RAD17: variants seen among roughly 807,000 people sequenced by gnomAD.
RAD17 encodes the protein RAD17 checkpoint clamp loader component, also known as cell cycle checkpoint protein RAD17.
In RAD17, 31 loss-of-function variants were observed where a neutral mutation model predicts 81.5. The observed-to-expected ratio is 0.38, with a 90% CI of 0.29 to 0.51. The LOEUF is 0.51. Among genes scored for constraint, RAD17 ranks in the 20% least tolerant of loss-of-function variants. The pLI is 0.88. For missense variants in RAD17, 681 were observed against 781.2 expected (o/e 0.87, Z 1.53); for synonymous variants, 261 against 266.2 (o/e 0.98, Z 0.19).
chr5:69,389,328 C>T (rs930117023), intron 12 of RAD17, among the ~76,000 whole-genome samples, 183 bp downstream of exon 12: 9 of 152,138 alleles, frequency 5.9e-5, no homozygotes, highest in East Asian at 1.9e-4. Context: ...ATGAATATGT[C>T]GTAGTATATA....
chr5:69,371,629 A>G (rs1763010129), intron 3 of RAD17, 72 bp downstream of exon 3: 1 of 785,354 alleles, frequency 1.3e-6, no homozygotes. Flanking sequence ...TATTCTTAAT[A>G]ACTTATTACT....
At chr5:69,392,191 G>A (rs767556384) in intron 13 of RAD17, among the ~76,000 whole-genome samples, 178 bp downstream of exon 13, 3 of 152,170 alleles carry the variant, frequency 2.0e-5, no homozygotes, top group African/African-American at 4.8e-5. Flanking sequence ...TTTTCTGACC[G>A]TAAGCAGGAT....
chr5:69,397,537 G>A (rs1764973168), intron 16 of RAD17, among the ~76,000 whole-genome samples: 1 of 152,104 alleles, frequency 6.6e-6, no homozygotes, highest in Non-Finnish European at 1.5e-5. Context: ...GCCAAAACAA[G>A]AGGATCACTT....
intron 7 of RAD17, chr5:69,384,263 T>G (rs183147237): frequency 6.6e-6 from 1 of 152,556 alleles, no homozygotes; most frequent in African/African-American, 2.4e-5. Flanking sequence ...GTCATAGATA[T>G]TTTTACCAAT....
chr5:69,408,576 C>T (rs970753262), intron 17 of RAD17, among the ~76,000 whole-genome samples: 8 of 133,930 alleles, frequency 6.0e-5, no homozygotes, highest in South Asian at 4.8e-4. Flanking sequence ...TGCAGTGGTA[C>T]GATGGCTGAC....
In RAD17 at chr5:69,396,430, A is replaced by G. The variant is rs553241927; in HGVS notation, c.1456A>G (p.Ile486Val). ...TTTACTCAGGGAATATAGCACATCT[A>G]TAGCTACGAGAGGTGTGATGCATTC... is the stretch of plus-strand genomic sequence containing the variant. ...RSLLREYSTS[I>V]ATRGVMHSNK... is the part of the protein sequence containing the mutation. The change falls in exon 16 of 19, where the codon ATA (isoleucine) becomes GTA (valine). Residue 486 changes from isoleucine (I) to valine (V), a missense_variant. By Grantham distance (29) the Ile-to-Val change is conservative. Coordinates refer to ENST00000354868, the MANE Select transcript of RAD17 (RefSeq NM_133338.3). 8 of 1,613,160 alleles carry G rather than the reference A, an allele frequency of 5.0e-6. No individual in the cohort carries two copies. Among genetic ancestry groups the G allele is most frequent in the Admixed American group, 3.3e-5 (2 of 60,000 alleles).
At chr5:69,402,642 G>C (rs374784965) in intron 17 of RAD17, among the ~76,000 whole-genome samples, 3 of 140,352 alleles carry the variant, frequency 2.1e-5, no homozygotes, top group African/African-American at 7.9e-5. Context: ...GAGACAGAGT[G>C]AGACTCTGTC....
chr5:69,373,693 T>A (rs1411174902), intron 4 of RAD17, 137 bp from the exon 5 acceptor site: 2 of 390,776 alleles, frequency 5.1e-6, no homozygotes, highest in African/African-American at 2.6e-5. Flanking sequence ...AAAATTTTTT[T>A]TTTTTTTTTT....
Position 69,393,345 on chromosome 5 carries a change from T to G in RAD17, c.1276-9T>G, listed in dbSNP as rs1169720147. 1 of 1,586,328 alleles carries G rather than the reference T, an allele frequency of 6.3e-7. No individual in the cohort carries two copies. Among genetic ancestry groups the G allele is most frequent in the East Asian group, 2.2e-5 (1 of 44,660 alleles). On this transcript the variant is annotated splice_polypyrimidine_tract_variant and intron_variant, in intron 14 of 18. Transcript: ENST00000354868. Reference sequence around the variant, plus strand: ...TACCAAATTTATGTATATATGCTTCTTTTTATAGGAGGTAGTAGAAATGTC... The same window carrying G: ...TACCAAATTTATGTATATATGCTTCGTTTTATAGGAGGTAGTAGAAATGTC...
intron 6 of RAD17, 139 bp from the exon 7 acceptor site, chr5:69,381,762 A>G (rs573746740): frequency 5.6e-5 from 33 of 589,912 alleles, no homozygotes; most frequent in Non-Finnish European, 9.0e-5. Flanking sequence ...AGCAAGCATT[A>G]TTATGAAATT....
Position 69,388,919 on chromosome 5 carries a change from T to C in RAD17, c.895-115T>C, listed in dbSNP as rs772973532. ...CACCGTGCCCAGCCCTTTTTAGTAT[T>C]TAAGTTTAAAAGAATCTAATTTACG... On this transcript the variant is annotated intron_variant, in intron 11 of 18. Transcript: ENST00000354868. The C allele has an allele frequency of 1.4e-4, 77 of 556,170 alleles. 1 individual carries two copies. Among genetic ancestry groups the C allele is most frequent in the Middle Eastern group, 4.9e-4 (1 of 2,028 alleles). 34.5% of individuals were successfully genotyped at this position (556,170 alleles called of 1,614,324 possible).
rs762156485 is a variant in RAD17 at position 69,374,647 on chromosome 5, A to C, written c.287A>C (p.Lys96Thr). ...TTGTAGCATGAACTTGCTGTGCATAAAAAGAAAATTGAAGAAGTCGAAACC... is the reference window on the plus strand; with the variant it reads ...TTGTAGCATGAACTTGCTGTGCATACAAAGAAAATTGAAGAAGTCGAAACC... ...PETQHELAVH[K>T]KKIEEVETWL... is the part of the protein sequence containing the mutation. Residue 96 changes from lysine to threonine, a missense_variant, in exon 6 of 19, where the codon AAA becomes ACA. By Grantham distance (78) the Lys-to-Thr change is moderately conservative. Transcript: ENST00000354868. The C allele has an allele frequency of 1.2e-6, 2 of 1,610,456 alleles. No individual in the cohort carries two copies. The highest frequency in any genetic ancestry group is 1.7e-6 in the Non-Finnish European group (2 of 1,179,026).
chr5:69,402,204 C>T (rs1405735741), intron 17 of RAD17, among the ~76,000 whole-genome samples: 1 of 151,114 alleles, frequency 6.6e-6, no homozygotes, highest in Non-Finnish European at 1.5e-5. Flanking sequence ...TGTGCCACAA[C>T]ACCCGGCTAA....
At position 69,400,104 on chromosome 5, in the gene RAD17, C is replaced by T. The variant is rs933060524; in HGVS notation, c.1628C>T (p.Ala543Val). 1.2e-6 allele frequency: 2 copies of T among 1,604,400 alleles called. No individual in the cohort carries two copies. Among genetic ancestry groups the T allele is most frequent in the Non-Finnish European group, 1.7e-6 (2 of 1,175,668 alleles). ...KALFPDFCLP[A>V]LCLQTQLLPY... ...CTTTTTCCTGACTTCTGCCTACCAG[C>T]TTTATGCCTCCAAACTCAGCTATTG... is the stretch of plus-strand genomic sequence containing the variant. The change falls in exon 17 of 19, where the codon GCT becomes GTT. Residue 543 changes from alanine to valine, a missense_variant. By Grantham distance (64) the Ala-to-Val change is moderately conservative. Coordinates refer to ENST00000354868, the MANE Select transcript of RAD17 (RefSeq NM_133338.3).
At chr5:69,411,158 C>T (rs976343590) in intron 18 of RAD17, among the ~76,000 whole-genome samples, 1 of 151,702 alleles carries the variant, frequency 6.6e-6, no homozygotes, top group Admixed American at 6.6e-5. Flanking sequence ...TGCTTGTAAT[C>T]CCAGCACTTT....
chr5:69,382,189 GTGCGATGGC>G, intron 7 of RAD17, 132 bp downstream of exon 7: 1 of 1,029,382 alleles, frequency 9.7e-7, no homozygotes, highest in South Asian at 1.5e-5. Flanking sequence ...CACAGGCCAG[GTGCGATGGC>G]TGTCACATGG....
intron 5 of RAD17, 45 bp from the exon 6 acceptor site, chr5:69,374,583 C>T: frequency 2.1e-6 from 3 of 1,457,878 alleles, no homozygotes; most frequent in South Asian, 2.5e-5. Context: ...ACCAAAAAAT[C>T]TTCAGTTAAG....
chr5:69,372,019 TTC>T lies in RAD17; in HGVS notation c.-175-11_-175-10del. ...AGTTACTTAACTTTGCTGTTTATCTTTCTCTTTTTTTCAGTATATGGGAGTCC... is the reference window on the plus strand; with the variant it reads ...AGTTACTTAACTTTGCTGTTTATCTTTCTTTTTTTCAGTATATGGGAGTCC... On this transcript the variant is annotated splice_polypyrimidine_tract_variant and intron_variant, in intron 3 of 18. Transcript: ENST00000354868. The T allele has an allele frequency of 1.7e-6, 2 of 1,192,248 alleles. No homozygotes were observed. The highest frequency in any genetic ancestry group is 2.2e-6 in the Non-Finnish European group (2 of 925,878). The allele number at this position is 1,192,248 out of a possible 1,614,324, so 73.9% of individuals were successfully genotyped here.
At chr5:69,377,609 GTATA>G (rs1332023988) in intron 6 of RAD17, among the ~76,000 whole-genome samples, 1 of 25,668 alleles carries the variant, frequency 3.9e-5, no homozygotes, top group Non-Finnish European at 1.1e-4. Flanking sequence ...ATATATATAT[GTATA>G]CATATATATG....
Sources: gnomAD v4.1 joint callset for allele counts (sites outside exome capture counted in the v4.1 genomes callset) on GRCh38, gnomAD v4.1.1 for gene constraint, MANE v1.5 for transcripts, NCBI Gene and HGNC (gene_info 2026-07-23, HGNC 2026-07-21) for gene names.